The following PTPRT variants were observed in gnomAD, a reference collection of about 807,000 sequenced individuals.
PTPRT encodes the protein receptor-type tyrosine-protein phosphatase T.
A neutral mutation model predicts 176.8 loss-of-function variants in PTPRT; 56 were observed. The ratio of observed to expected loss-of-function variants is 0.32; its 90% CI spans 0.26 to 0.40. PTPRT has a LOEUF of 0.40. Ranked by LOEUF, PTPRT falls within the 10% of genes least tolerant of loss-of-function variation. The probability of loss-of-function intolerance (pLI) is 1.00; values close to 1 mark genes in which losing one functional copy is unlikely to be tolerated. For missense variants in PTPRT, 1,540 were observed against 1,908.2 expected, an observed-to-expected ratio of 0.81 and a Z score of 3.60; for synonymous variants, 783 against 739.0, an observed-to-expected ratio of 1.06 and a Z score of -0.96.
At chr20:42,611,641 C>T (rs1193595093) in intron 7 of PTPRT, among the ~76,000 whole-genome samples, 1 of 152,178 alleles carries the variant, frequency 6.6e-6, no homozygotes, top group Admixed American at 6.5e-5. Context: ...TGACTCATTG[C>T]TGAGATGGTC....
At chr20:42,734,222 C>T (rs2076504042) in intron 6 of PTPRT, among the ~76,000 whole-genome samples, 1 of 152,200 alleles carries the variant, frequency 6.6e-6, no homozygotes, top group South Asian at 2.1e-4. Context: ...CTGGGATCCT[C>T]ATAGACCTCT....
the PTPRT span, among the ~76,000 whole-genome samples, chr20:42,037,203 C>T: frequency 6.6e-6 from 1 of 152,214 alleles, no homozygotes; most frequent in Non-Finnish European, 1.5e-5. Context: ...ACCCTAGCCT[C>T]ATCACTTTTG....
intron 2 of PTPRT, among the ~76,000 whole-genome samples, chr20:42,863,419 T>TGC (rs1342157421): frequency 3.3e-5 from 5 of 152,138 alleles, no homozygotes; most frequent in African/African-American, 1.2e-4. Context: ...TATCTAGAAA[T>TGC]GAGAGCAGGG....
intron 7 of PTPRT, among the ~76,000 whole-genome samples, chr20:42,655,935 C>G (rs879429296): frequency 5.3e-5 from 8 of 152,096 alleles, no homozygotes; most frequent in Non-Finnish European, 1.0e-4. Flanking sequence ...GGTAAGACAT[C>G]TAGGAAGAGT....
intron 1 of PTPRT, among the ~76,000 whole-genome samples, chr20:42,984,499 C>A (rs897882113): frequency 2.6e-5 from 4 of 152,318 alleles, no homozygotes; most frequent in Admixed American, 6.5e-5. Context: ...CAAAAACAAT[C>A]TCCCCTTTCC....
intron 11 of PTPRT, among the ~76,000 whole-genome samples, chr20:42,329,137 T>C (rs1401379252): frequency 1.3e-5 from 2 of 152,190 alleles, no homozygotes; most frequent in Admixed American, 1.3e-4. Context: ...GCCTACGTCC[T>C]GAGAAATAGT....
intron 15 of PTPRT, among the ~76,000 whole-genome samples, chr20:42,228,079 G>C (rs193069731): frequency 3.9e-5 from 6 of 152,306 alleles, no homozygotes; most frequent in Non-Finnish European, 7.4e-5. Context: ...AGCATTAAGA[G>C]TCACAGACAG....
chr20:42,824,852 A>C (rs568639394), intron 2 of PTPRT, among the ~76,000 whole-genome samples: 117 of 152,136 alleles, frequency 7.7e-4, no homozygotes, highest in Non-Finnish European at 1.4e-3. Flanking sequence ...TAAAAACTGA[A>C]AAAATGTAAG....
chr20:42,571,760 C>A (rs1390004609), intron 7 of PTPRT, among the ~76,000 whole-genome samples: 1 of 152,158 alleles, frequency 6.6e-6, no homozygotes, highest in Non-Finnish European at 1.5e-5. Context: ...CCAACCCCCA[C>A]TGCCCCGGGG....
At chr20:43,156,651 G>A (rs2014531334) in intron 1 of PTPRT, among the ~76,000 whole-genome samples, 2 of 152,146 alleles carry the variant, frequency 1.3e-5, no homozygotes, top group African/African-American at 4.8e-5. Flanking sequence ...GTGAATGGTT[G>A]GATCAAACCC....
chr20:42,191,841 G>C (rs1429236782), intron 16 of PTPRT, among the ~76,000 whole-genome samples: 1 of 152,184 alleles, frequency 6.6e-6, no homozygotes, highest in Non-Finnish European at 1.5e-5. Context: ...ATGGAACCAG[G>C]TCTGGGCTTG....
At chr20:42,581,382 G>A (rs2073367903) in intron 7 of PTPRT, among the ~76,000 whole-genome samples, 1 of 152,022 alleles carries the variant, frequency 6.6e-6, no homozygotes. Context: ...GTTATTTTCT[G>A]TCTCCCACAT....
chr20:42,859,059 G>C (rs142778654), intron 2 of PTPRT, among the ~76,000 whole-genome samples: 13 of 152,160 alleles, frequency 8.5e-5, no homozygotes, highest in African/African-American at 3.1e-4. Context: ...GAGCTGCAGC[G>C]TCAGGAGAAG....
chr20:42,748,193 C>T (rs2076718318), intron 6 of PTPRT, among the ~76,000 whole-genome samples: 1 of 152,134 alleles, frequency 6.6e-6, no homozygotes, highest in South Asian at 2.1e-4. Context: ...GACTCTAATG[C>T]CCTGGAGAGA....
At chr20:43,103,173 G>A (rs1053345415) in intron 1 of PTPRT, among the ~76,000 whole-genome samples, 4 of 151,932 alleles carry the variant, frequency 2.6e-5, no homozygotes, top group East Asian at 3.9e-4. Context: ...CCCCACTGGC[G>A]TTGGTGAGCA....
intron 9 of PTPRT, among the ~76,000 whole-genome samples, chr20:42,374,130 C>T (rs1214495269): frequency 6.6e-6 from 1 of 152,226 alleles, no homozygotes; most frequent in Admixed American, 6.5e-5. Context: ...CGTCTGCCAG[C>T]TGCAGGGAAA....
Position 43,089,662 on chromosome 20 carries a change from G to A in PTPRT, c.88+99984C>T, listed in dbSNP as rs753178083. Among the ~76,000 whole-genome samples, 7 of 152,182 alleles carry A rather than the reference G, an allele frequency of 4.6e-5. No individual in the cohort carries two copies. The South Asian group carries it at 1.0e-3, about 23-fold the overall frequency. The stretch of plus-strand genomic sequence containing the variant: ...GTGGAATGGTGAGGAGAAAGAAGCT[G>A]TTTCCCATCATGGAAGCACCAGCAT... On this transcript the variant is annotated intron_variant, in intron 1 of 30. Transcript: ENST00000373187.
intron 2 of PTPRT, among the ~76,000 whole-genome samples, chr20:42,807,157 G>A (rs1481377589): frequency 6.6e-6 from 1 of 152,204 alleles, no homozygotes; most frequent in African/African-American, 2.4e-5. Flanking sequence ...AGGGATGTCT[G>A]TCCCATTTAG....
chr20:42,660,681 C>T (rs1411776251), intron 7 of PTPRT, among the ~76,000 whole-genome samples: 1 of 152,170 alleles, frequency 6.6e-6, no homozygotes. Flanking sequence ...TTGCATCCCT[C>T]CAGGTGCCAT....
Sources: allele counts gnomAD v4.1 joint callset (sites outside exome capture counted in the v4.1 genomes callset), GRCh38; gene constraint gnomAD v4.1.1; transcripts MANE v1.5; gene names NCBI Gene and HGNC (gene_info 2026-07-23, HGNC 2026-07-21).